Variants in OPCML observed in about 807,000 individuals in gnomAD.
OPCML encodes opioid-binding protein/cell adhesion molecule.
OPCML carries 13 observed loss-of-function variants against 37.8 expected under a neutral mutation model. The observed-to-expected ratio is 0.34, with a 90% CI of 0.22 to 0.55. The LOEUF (loss-of-function observed/expected upper bound fraction) is 0.55. Ranked by LOEUF, OPCML falls within the 20% of genes least tolerant of loss-of-function variation. The pLI is 0.91. For missense variants in OPCML, 341 were observed against 435.6 expected, an observed-to-expected ratio of 0.78 and a Z score of 1.93; for synonymous variants, 176 against 168.8, an observed-to-expected ratio of 1.04 and a Z score of -0.33.
intron 2 of OPCML, among the ~76,000 whole-genome samples, chr11:132,836,348 A>T (rs1940999222): frequency 6.6e-6 from 1 of 152,208 alleles, no homozygotes; most frequent in Non-Finnish European, 1.5e-5. Flanking sequence ...TCTACAGAGA[A>T]TTATTTGTAC....
chr11:133,437,911 A>C (rs2136931225), intron 1 of OPCML, among the ~76,000 whole-genome samples: 1 of 152,310 alleles, frequency 6.6e-6, no homozygotes, highest in East Asian at 1.9e-4. Context: ...TATGAGGACA[A>C]AATGAAGAGT....
At chr11:132,930,459 T>C (rs904733578) in intron 2 of OPCML, among the ~76,000 whole-genome samples, 2 of 152,184 alleles carry the variant, frequency 1.3e-5, no homozygotes, top group East Asian at 3.8e-4. Context: ...TATAATCTTA[T>C]GTGTAGAAAA....
chr11:132,881,926 C>T (rs554649954), intron 2 of OPCML, among the ~76,000 whole-genome samples: 8 of 152,322 alleles, frequency 5.3e-5, no homozygotes, highest in Non-Finnish European at 8.8e-5. Context: ...ATTCTGTGTT[C>T]AATAGCCCCT....
intron 3 of OPCML, among the ~76,000 whole-genome samples, chr11:132,536,401 T>C (rs74801474): frequency 0.02 from 3,110 of 152,308 alleles, 121 homozygotes; most frequent in South Asian, 0.15. Flanking sequence ...ACACAAGCCA[T>C]TAAGTTTCAG....
chr11:133,471,998 T>C (rs1160029599), intron 1 of OPCML, among the ~76,000 whole-genome samples: 2 of 152,332 alleles, frequency 1.3e-5, no homozygotes, highest in East Asian at 1.9e-4. Flanking sequence ...AGCTGATCTT[T>C]CTATTGCACT....
chr11:132,724,582 A>G (rs1018333101), intron 2 of OPCML, among the ~76,000 whole-genome samples: 1 of 152,134 alleles, frequency 6.6e-6, no homozygotes, highest in Admixed American at 6.5e-5. Context: ...TCATGTCTTC[A>G]CATTTCAAAA....
Position 132,570,623 on chromosome 11 carries a change from A to G in OPCML, c.380-41437T>C, listed in dbSNP as rs1591565701. ...TAATTACATGTTAAAAGTTTTATAA[A>G]TTAACAGTCTCAAAAAAGAAGCAGG... On this transcript the variant is annotated intron_variant, in intron 3 of 7. Coordinates refer to ENST00000524381, the MANE Select transcript of OPCML (RefSeq NM_001012393.5). Among the ~76,000 whole-genome samples the G allele has an allele frequency of 2.0e-5, 3 of 151,642 alleles. No individual in the cohort carries two copies. The South Asian group carries it at 6.3e-4, about 32-fold the overall frequency.
intron 1 of OPCML, among the ~76,000 whole-genome samples, chr11:133,252,200 T>C (rs899103937): frequency 6.6e-6 from 1 of 152,182 alleles, no homozygotes; most frequent in Non-Finnish European, 1.5e-5. Context: ...CTAAAATACA[T>C]ACACACATAC....
chr11:132,436,806 C>A, intron 5 of OPCML, 27 bp from the exon 6 acceptor site: 2 of 1,607,976 alleles, frequency 1.2e-6, no homozygotes, highest in Non-Finnish European at 1.7e-6. Flanking sequence ...CACACACATG[C>A]ACAGGCATGC....
intron 2 of OPCML, among the ~76,000 whole-genome samples, chr11:132,721,857 A>G (rs1448086383): frequency 1.3e-5 from 2 of 152,156 alleles, no homozygotes; most frequent in Non-Finnish European, 2.9e-5. Flanking sequence ...CAGTGACTAA[A>G]AACAAGAACC....
chr11:132,727,289 A>G (rs1944920500), intron 2 of OPCML, among the ~76,000 whole-genome samples: 1 of 152,170 alleles, frequency 6.6e-6, no homozygotes, highest in African/African-American at 2.4e-5. Flanking sequence ...CTGCTATTCA[A>G]TACTAGGTGA....
At chr11:132,572,466 A>T (rs1368266588) in intron 3 of OPCML, among the ~76,000 whole-genome samples, 2 of 152,078 alleles carry the variant, frequency 1.3e-5, no homozygotes, top group African/African-American at 4.8e-5. Context: ...ATTCTTCTAT[A>T]TGTGGATATC....
At chr11:133,356,352 A>G (rs892478312) in intron 1 of OPCML, among the ~76,000 whole-genome samples, 1 of 152,208 alleles carries the variant, frequency 6.6e-6, no homozygotes, top group African/African-American at 2.4e-5. Context: ...TGAATCTAAC[A>G]AATAGTTTTG....
intron 1 of OPCML, chr11:133,299,104 C>A (rs1178048316): frequency 6.6e-6 from 1 of 152,030 alleles, no homozygotes; most frequent in Non-Finnish European, 1.5e-5. Flanking sequence ...GCACCTAATC[C>A]CCTCATAAAT....
intron 1 of OPCML, among the ~76,000 whole-genome samples, chr11:133,106,444 C>A (rs1453688500): frequency 6.6e-6 from 1 of 152,192 alleles, no homozygotes; most frequent in Non-Finnish European, 1.5e-5. Flanking sequence ...TTATCAAATG[C>A]CTTAGATGGT....
intron 4 of OPCML, among the ~76,000 whole-genome samples, chr11:132,471,069 A>G (rs1243802234): frequency 6.6e-6 from 1 of 152,234 alleles, no homozygotes; most frequent in Non-Finnish European, 1.5e-5. Flanking sequence ...GAAGCTCATG[A>G]GCAACCGTTT....
chr11:133,294,759 CA>C, intron 1 of OPCML, among the ~76,000 whole-genome samples: 1 of 144,272 alleles, frequency 6.9e-6, no homozygotes. Context: ...AAACATGTTT[CA>C]AGGGCAAACC....
chr11:133,487,775 TTGTGTG>T (rs10625092), intron 1 of OPCML, among the ~76,000 whole-genome samples: 261 of 147,444 alleles, frequency 1.8e-3, no homozygotes, highest in Middle Eastern at 6.9e-3. Context: ...TACTCTGTGT[TTGTGTG>T]TGTGTGTGTG....
intron 2 of OPCML, among the ~76,000 whole-genome samples, chr11:132,697,178 G>A (rs1234989659): frequency 6.6e-6 from 1 of 152,136 alleles, no homozygotes; most frequent in Non-Finnish European, 1.5e-5. Context: ...TATTTAAGAT[G>A]CACAACATGA....
Sources: allele counts gnomAD v4.1 joint callset (sites outside exome capture counted in the v4.1 genomes callset), GRCh38; gene constraint gnomAD v4.1.1; transcripts MANE v1.5; gene names NCBI Gene and HGNC (gene_info 2026-07-23, HGNC 2026-07-21).